The following PDE1B variants were observed in gnomAD, a reference collection of about 807,000 sequenced individuals.
The protein encoded by PDE1B is dual specificity calcium/calmodulin-dependent 3',5'-cyclic nucleotide phosphodiesterase 1B.
A neutral mutation model predicts 66.7 loss-of-function variants in PDE1B; 13 were observed. The observed-to-expected ratio is 0.19, with a 90% CI of 0.13 to 0.31. The LOEUF is 0.31. Ranked by LOEUF, PDE1B falls within the 10% of genes least tolerant of loss-of-function variation. The pLI, the probability that PDE1B is intolerant of heterozygous loss-of-function variation, is 1.00. For synonymous variants in PDE1B, 230 were observed against 253.9 expected (o/e 0.91, Z 0.90); for missense variants, 485 against 682.3 (o/e 0.71, Z 3.22).
chr12:54,577,703 C>T (rs1314993511), intron 15 of PDE1B, among the ~76,000 whole-genome samples, 157 bp from the exon 16 acceptor site: 3 of 152,216 alleles, frequency 2.0e-5, no homozygotes, highest in East Asian at 3.9e-4. Context: ...ACTTCGACTT[C>T]AGCCCCTATT....
intron 10 of PDE1B, chr12:54,574,495 T>C (rs555261475): frequency 3.6e-4 from 55 of 152,440 alleles, no homozygotes; most frequent in African/African-American, 1.2e-3. Flanking sequence ...AAATGAAATA[T>C]GGAAATTTTA....
intron 15 of PDE1B, 97 bp from the exon 16 acceptor site, chr12:54,577,763 A>C: frequency 4.3e-6 from 2 of 463,162 alleles, no homozygotes; most frequent in Non-Finnish European, 3.8e-6. Flanking sequence ...GCACAGCTCT[A>C]CTCGGGACTG....
rs760070290 is a variant in PDE1B, at chr12:54,567,046, C to T, written c.186C>T (p.Tyr62=). The part of the protein sequence containing the change: ...NIEELKKNLE[Y]TASLLEAVYI... ...AGGAGCTGAAGAAAAATCTGGAGTA[C>T]ACAGCTTCTCTGCTGGAAGCCGTCT... The change falls in exon 3 of 16, where the codon TAC becomes TAT. Residue 62 remains tyrosine, a synonymous_variant. Coordinates refer to ENST00000243052, the MANE Select transcript of PDE1B (RefSeq NM_000924.4). 14 of 1,609,322 alleles carry T rather than the reference C, an allele frequency of 8.7e-6. No individual in the cohort carries two copies. The African/African-American group carries it at 1.3e-4, about 15-fold the overall frequency.
At chr12:54,552,011 CA>C (rs1320662488) in intron 2 of PDE1B, among the ~76,000 whole-genome samples, 1 of 152,096 alleles carries the variant, frequency 6.6e-6, no homozygotes, top group African/African-American at 2.4e-5. Flanking sequence ...ATAACTTACC[CA>C]AAAAAGTACA....
intron 6 of PDE1B, chr12:54,572,168 ATCT>A (rs1345552837): frequency 2.4e-5 from 4 of 163,866 alleles, no homozygotes; most frequent in African/African-American, 9.6e-5. Flanking sequence ...TCTCTAGGTC[ATCT>A]TCTTCATTCC....
chr12:54,559,300 C>T (rs1243850930), intron 2 of PDE1B, among the ~76,000 whole-genome samples: 1 of 148,572 alleles, frequency 6.7e-6, no homozygotes, highest in Non-Finnish European at 1.5e-5. Flanking sequence ...GTCTCCCATC[C>T]TTTGTTTCCT....
At chr12:54,557,470 T>C (rs956225023) in intron 2 of PDE1B, among the ~76,000 whole-genome samples, 1 of 152,062 alleles carries the variant, frequency 6.6e-6, no homozygotes, top group African/African-American at 2.4e-5. Flanking sequence ...AACTGGGAAA[T>C]TGAGGCCCAA....
intron 2 of PDE1B, among the ~76,000 whole-genome samples, chr12:54,553,059 C>T (rs1210046672): frequency 1.3e-5 from 2 of 152,184 alleles, no homozygotes; most frequent in Admixed American, 6.5e-5. Context: ...AGAATACAGT[C>T]GGTGGTGGAC....
At chr12:54,558,567 G>A in intron 2 of PDE1B, among the ~76,000 whole-genome samples, 1 of 152,206 alleles carries the variant, frequency 6.6e-6, no homozygotes, top group East Asian at 1.9e-4. Flanking sequence ...GGGAATGCTC[G>A]GGTGAGGTGG....
chr12:54,561,472 C>G, intron 2 of PDE1B: 2 of 1,363,262 alleles, frequency 1.5e-6, no homozygotes, highest in Non-Finnish European at 1.9e-6. Context: ...CTCAGTTCTA[C>G]TGGGACCTGG....
chr12:54,577,159 A>T, intron 14 of PDE1B, 66 bp from the exon 15 acceptor site: 1 of 1,331,414 alleles, frequency 7.5e-7, no homozygotes, highest in Non-Finnish European at 1.1e-6. Flanking sequence ...GTCTCCACAT[A>T]CTCCTTGGGT....
chr12:54,550,549 C>T (rs1333218622), intron 2 of PDE1B, among the ~76,000 whole-genome samples: 1 of 152,088 alleles, frequency 6.6e-6, no homozygotes, highest in South Asian at 2.1e-4. Context: ...AGCTGCTCAT[C>T]TCTTGGGGCC....
In PDE1B at chr12:54,569,516, T is replaced by C. The variant is rs1957578487; in HGVS notation, c.411-30T>C. 1 of 1,605,050 alleles carries C rather than the reference T, an allele frequency of 6.2e-7. No homozygotes were observed. Among genetic ancestry groups the C allele is most frequent in the Admixed American group, 1.7e-5 (1 of 59,998 alleles). On this transcript the variant is annotated intron_variant, in intron 4 of 15. Transcript: ENST00000243052. This position sits in a 1 kb window ranked among gnomAD's most constrained non-coding sequence, Gnocchi z 4.4. ...ACACCTCCACTCCCAGACCTTCATA[T>C]GTGGGCTTCTTCTCATTGTTCTCTC...
chr12:54,557,016 G>C lies in PDE1B; in HGVS notation c.113+7031G>C, dbSNP rs1303601039. 2.0e-5 allele frequency among the ~76,000 whole-genome samples: 3 copies of C among 152,200 alleles called. No homozygotes were observed. The East Asian group carries it at 5.8e-4, about 29-fold the overall frequency. ...CCTGTTTATCAACTCCTGCATATCT[G>C]CTTGGCACCATGTCCCTAGTTCTCT... On this transcript the variant is annotated intron_variant, in intron 2 of 15. Coordinates refer to ENST00000243052, the MANE Select transcript of PDE1B (RefSeq NM_000924.4).
chr12:54,562,762 AG>A (rs1957441002), intron 2 of PDE1B, among the ~76,000 whole-genome samples: 1 of 152,170 alleles, frequency 6.6e-6, no homozygotes, highest in African/African-American at 2.4e-5. Flanking sequence ...AGCACCTTCA[AG>A]AGGGTGCTTT....
At chr12:54,555,081 A>C (rs964318688) in intron 2 of PDE1B, among the ~76,000 whole-genome samples, 1 of 152,194 alleles carries the variant, frequency 6.6e-6, no homozygotes, top group Non-Finnish European at 1.5e-5. Flanking sequence ...GTGGGACTAG[A>C]GGAGGGCAAT....
rs79700402 is a variant in PDE1B, at chr12:54,549,836, C to A, written c.-13-24C>A. The A allele has an allele frequency of 0.023, 35,126 of 1,511,214 alleles. 520 individuals carry two copies. The highest frequency in any genetic ancestry group is 0.029 in the Non-Finnish European group (31,076 of 1,089,244). The allele number at this position is 1,511,214 out of a possible 1,614,324, so 93.6% of individuals were successfully genotyped here. A position where few individuals can be genotyped will look rare whatever the true frequency, so the allele number is the denominator to read the frequency against. On this transcript the variant is annotated intron_variant, in intron 1 of 15. Coordinates refer to ENST00000243052, the MANE Select transcript of PDE1B (RefSeq NM_000924.4). ...CTGGGGCTGAAGCTGAGCCGAGGTG[C>A]TGTCTCCTCCTTCTGTTCCGTAGAC...
intron 7 of PDE1B, 42 bp downstream of exon 7, chr12:54,572,783 T>C: frequency 1.3e-6 from 2 of 1,597,848 alleles, no homozygotes; most frequent in Non-Finnish European, 1.7e-6. Context: ...TCAGGGCCTA[T>C]GGCTACAGAA....
rs761218249 is a variant in PDE1B, at chr12:54,549,979, G to C, written c.107G>C (p.Arg36Pro). The C allele has an allele frequency of 5.6e-6, 9 of 1,613,890 alleles. No homozygotes were observed. The African/African-American group carries it at 1.1e-4, about 19-fold the overall frequency. The change falls in exon 2 of 16, where the codon CGG (arginine) becomes CCG (proline). Residue 36 changes from arginine to proline, a missense_variant. Physicochemically the swap from Arg to Pro is moderately radical, Grantham distance 103 (BLOSUM62 -2). This residue lies in a region of PDE1B where 74 missense variants were observed against 78.7 expected (regional missense o/e 0.94). Transcript: ENST00000243052. ...AGCAAGAAGATGTGGATTAAGCTTC[G>C]GTCTCTGTAAGTCCCCGGCCCGGGA... ...APSKKMWIKL[R>P]SLLRYMVKQL...
Sources: allele counts gnomAD v4.1 joint callset (sites outside exome capture counted in the v4.1 genomes callset), GRCh38; gene constraint gnomAD v4.1.1; regional missense constraint gnomAD v4.1.1; non-coding constraint Gnocchi (gnomAD v3.1); transcripts MANE v1.5; gene names NCBI Gene and HGNC (gene_info 2026-07-23, HGNC 2026-07-21).